ATRIP: variants seen among roughly 807,000 people sequenced by gnomAD.
ATRIP encodes the protein ATR interacting protein.
A neutral mutation model predicts 78.1 loss-of-function variants in ATRIP; 44 were observed. That is an observed-to-expected ratio of 0.56 (90% CI 0.44 to 0.72). The LOEUF (loss-of-function observed/expected upper bound fraction) is 0.72, where lower values mean the gene tolerates loss of function less well. ATRIP is among the 30% of genes least tolerant of loss of function. The pLI, the probability that ATRIP is intolerant of heterozygous loss-of-function variation, is 0.00. For missense variants in ATRIP, 927 were observed against 980.2 expected (o/e 0.95, Z 0.72); for synonymous variants, 388 against 408.9 (o/e 0.95, Z 0.62).
intron 2 of ATRIP, 110 bp downstream of exon 2, chr3:48,450,280 C>T (rs2107193327): frequency 7.4e-7 from 1 of 1,349,260 alleles, no homozygotes; most frequent in Non-Finnish European, 1.0e-6. Context: ...AGATTCATCC[C>T]TATGACATGG....
At chr3:48,452,999 CTCA>C (rs989625674) in intron 3 of ATRIP, among the ~76,000 whole-genome samples, 2 of 151,314 alleles carry the variant, frequency 1.3e-5, no homozygotes, top group Admixed American at 1.3e-4. Context: ...ATCCTCCCAT[CTCA>C]GCCTCCCAGG....
rs144461944 is a variant in ATRIP at position 48,466,535 on chromosome 3, G to T, written c.*981G>T. On this transcript the variant is annotated 3_prime_UTR_variant, in exon 13 of 13. Transcript: ENST00000320211. ...GACAGGGCAGGATTGTGCAGGGAAG[G>T]CCTGAGATGTGCTTCTGCCCACCCC... 574 of 1,613,950 alleles carry T rather than the reference G, an allele frequency of 3.6e-4. 3 individuals are homozygous for T. In the East Asian group the frequency reaches 0.01, roughly 29 times the overall value.
chr3:48,450,237 G>C, intron 2 of ATRIP, 67 bp downstream of exon 2: 1 of 1,523,488 alleles, frequency 6.6e-7, no homozygotes, highest in Non-Finnish European at 8.9e-7. Flanking sequence ...GCATTGTACA[G>C]TAAAATATAC....
In ATRIP at chr3:48,451,714, A is replaced by C; in HGVS notation, c.382-15A>C. On this transcript the variant is annotated splice_polypyrimidine_tract_variant and intron_variant, in intron 2 of 12. Transcript: ENST00000320211. ...CTCTTACAAAGTTTTCACGAGATTA[A>C]TTTGGGATTTACAGATGAAAGTAAT... 6.4e-7 allele frequency: 1 copy of C among 1,570,212 alleles called. No homozygotes were observed. The highest frequency in any genetic ancestry group is 8.7e-7 in the Non-Finnish European group (1 of 1,155,768).
chr3:48,454,582 G>C (rs2039909527), intron 4 of ATRIP, among the ~76,000 whole-genome samples, 164 bp downstream of exon 4: 1 of 152,140 alleles, frequency 6.6e-6, no homozygotes, highest in Non-Finnish European at 1.5e-5. Context: ...AAGCTTGCAT[G>C]GTTTGAGACA....
Position 48,465,558 on chromosome 3 carries a change from C to T in ATRIP, c.*4C>T, listed in dbSNP as rs751472086. Reference sequence around the variant, plus strand: ...CCCCGAGGTGGAGTGTGGCTGAGGCCCTGAGTGTCCAGCCACATGGTGGCA... The same window carrying T: ...CCCCGAGGTGGAGTGTGGCTGAGGCTCTGAGTGTCCAGCCACATGGTGGCA... On this transcript the variant is annotated 3_prime_UTR_variant, in exon 13 of 13. Coordinates refer to ENST00000320211, the MANE Select transcript of ATRIP (RefSeq NM_130384.3). 146 of 1,611,446 alleles carry T rather than the reference C, an allele frequency of 9.1e-5. No individual in the cohort carries two copies. Among genetic ancestry groups the T allele is most frequent in the Admixed American group, 1.2e-4 (7 of 59,914 alleles).
chr3:48,450,359 C>G, intron 2 of ATRIP, 189 bp downstream of exon 2: 1 of 1,018,288 alleles, frequency 9.8e-7, no homozygotes, highest in Non-Finnish European at 1.4e-6. Context: ...TTCCTAATGC[C>G]AAAGGCAAGA....
Position 48,466,361 on chromosome 3 carries a change from C to A in ATRIP, c.*807C>A. ...GCGCAGGGCAGGAGGGCCATGGGTT[C>A]CCCCACCCCAGACTAAGGGGGCACT... On this transcript the variant is annotated 3_prime_UTR_variant, in exon 13 of 13. Transcript: ENST00000320211. The A allele has an allele frequency of 7.8e-7, 1 of 1,283,742 alleles. No homozygotes were observed. The highest frequency in any genetic ancestry group is 1.3e-5 in the South Asian group (1 of 79,820). The allele number at this position is 1,283,742 out of a possible 1,614,324, so 79.5% of individuals were successfully genotyped here.
In ATRIP at chr3:48,446,893, G is replaced by A. The variant is rs777140455; in HGVS notation, c.48G>A (p.Pro16=). 1.6e-5 allele frequency: 22 copies of A among 1,393,500 alleles called. No individual in the cohort carries two copies. The South Asian group carries it at 2.2e-4, about 14-fold the overall frequency. The allele number at this position is 1,393,500 out of a possible 1,614,324, so 86.3% of individuals were successfully genotyped here. ...GCAGCAAGAGGCGGAGCGAGCCCCC[G>A]GCGCCTCGCCCCGGCCCGCCGCCGG... The part of the protein sequence containing the change: ...APGSKRRSEP[P]APRPGPPPGT... The change falls in exon 1 of 13, where the codon CCG becomes CCA. Residue 16 remains proline (P), a synonymous_variant. Transcript: ENST00000320211.
rs1231799747 is a variant in ATRIP at position 48,460,369 on chromosome 3, G to A, written c.1315G>A (p.Ala439Thr). 3 of 1,613,456 alleles carry A rather than the reference G, an allele frequency of 1.9e-6. No homozygotes were observed. The highest frequency in any genetic ancestry group is 1.7e-6 in the Non-Finnish European group (2 of 1,179,670). Residue 439 changes from alanine (A) to threonine (T), a missense_variant, in exon 8 of 13, where the codon GCT becomes ACT. Ala to Thr is a moderately conservative substitution (Grantham distance 58, BLOSUM62 0). Transcript: ENST00000320211. ...CTGCCAGGCCCTGCAGGACTTGGCA[G>A]CTGCTAAGAGAAGCGGAGCACCTGG... ...LHCQALQDLA[A>T]AKRSGAPGDS...
At chr3:48,451,684 G>GT in intron 2 of ATRIP, 45 bp from the exon 3 acceptor site, 1 of 1,528,188 alleles carries the variant, frequency 6.5e-7, no homozygotes, top group Non-Finnish European at 8.9e-7. Flanking sequence ...TACCTAAGTA[G>GT]TTTTCTCTTA....
rs757909936 is a variant in ATRIP at position 48,466,954 on chromosome 3, T to C, written c.*1400T>C. The C allele has an allele frequency of 7.4e-6, 12 of 1,611,976 alleles. No individual in the cohort carries two copies. Among genetic ancestry groups the C allele is most frequent in the African/African-American group, 1.3e-5 (1 of 74,932 alleles). ...CTGGCAGCGCATGGGCGTCAATGTTTTGATGACAACCTGGCCAACCTGCTC... is the reference window on the plus strand; with the variant it reads ...CTGGCAGCGCATGGGCGTCAATGTTCTGATGACAACCTGGCCAACCTGCTC... On this transcript the variant is annotated 3_prime_UTR_variant, in exon 13 of 13. Coordinates refer to ENST00000320211, the MANE Select transcript of ATRIP (RefSeq NM_130384.3).
chr3:48,453,638 C>T (rs2039886314), intron 3 of ATRIP, among the ~76,000 whole-genome samples: 1 of 152,134 alleles, frequency 6.6e-6, no homozygotes, highest in Admixed American at 6.6e-5. Flanking sequence ...AACTGCAGGC[C>T]AGAGCAGCAG....
intron 7 of ATRIP, 76 bp from the exon 8 acceptor site, chr3:48,460,034 G>A (rs2040055705): frequency 6.5e-7 from 1 of 1,549,034 alleles, no homozygotes; most frequent in Admixed American, 2.0e-5. Context: ...GGAGAATTTG[G>A]CAGGCAGGCT....
chr3:48,450,547 A>C, intron 2 of ATRIP: 1 of 1,288,254 alleles, frequency 7.8e-7, no homozygotes, highest in Non-Finnish European at 1.0e-6. Flanking sequence ...TAAGAAAACC[A>C]GGAATATGTG....
At chr3:48,448,407 T>C (rs1283248150) in intron 1 of ATRIP, among the ~76,000 whole-genome samples, 1 of 152,238 alleles carries the variant, frequency 6.6e-6, no homozygotes, top group South Asian at 2.1e-4. Flanking sequence ...CTCAAACTGC[T>C]GACCTCAGGT....
At position 48,460,562 on chromosome 3, in the gene ATRIP, A is replaced by AT. The variant is rs1445753531; in HGVS notation, c.1510dup (p.Ser504PhefsTer15). The AT allele has an allele frequency of 1.2e-6, 2 of 1,614,144 alleles. No homozygotes were observed. The highest frequency in any genetic ancestry group is 2.2e-5 in the South Asian group (2 of 91,082). On this transcript the variant is annotated frameshift_variant, in exon 8 of 13. Transcript: ENST00000320211. LOFTEE classifies it high-confidence loss of function. ...CTATTACTGTCAGGAGTGGGGGCAG[A>AT]TTCTGCTGCTGGGGAAGGAAACAGG...
Position 48,467,189 on chromosome 3 carries a change from C to A in ATRIP, c.*1635C>A, listed in dbSNP as rs1424706594. 6.2e-7 allele frequency: 1 copy of A among 1,613,916 alleles called. No homozygotes were observed. The stretch of plus-strand genomic sequence containing the variant: ...AACACGGCCCAAGGAAGAGCTATAG[C>A]CTAGGCAGCATCTACACTCGCCTGT... On this transcript the variant is annotated 3_prime_UTR_variant, in exon 13 of 13. Coordinates refer to ENST00000320211, the MANE Select transcript of ATRIP (RefSeq NM_130384.3).
chr3:48,462,782 G>A (rs115978212), intron 8 of ATRIP, among the ~76,000 whole-genome samples: 2,089 of 152,254 alleles, frequency 0.014, 39 homozygotes, highest in African/African-American at 0.047. Context: ...TTTCCTTGCA[G>A]TACCTTCTGC....
Sources: gnomAD v4.1 joint callset for allele counts (sites outside exome capture counted in the v4.1 genomes callset) on GRCh38, gnomAD v4.1.1 for gene constraint, MANE v1.5 for transcripts, NCBI Gene and HGNC (gene_info 2026-07-23, HGNC 2026-07-21) for gene names.